ZNF618: variants seen among roughly 807,000 people sequenced by gnomAD.
ZNF618 encodes neural precursor cell expressed, developmentally down-regulated 10.
In ZNF618, 34 loss-of-function variants were observed where a neutral mutation model predicts 103.0. The observed-to-expected ratio is 0.33, with a 90% confidence interval of 0.25 to 0.44. The LOEUF (loss-of-function observed/expected upper bound fraction) is 0.44, where lower values mean the gene tolerates loss of function less well. Ranked by LOEUF, ZNF618 falls within the 20% of genes least tolerant of loss-of-function variation. The pLI, the probability that ZNF618 is intolerant of heterozygous loss-of-function variation, is 1.00. For missense variants in ZNF618, 1,059 were observed against 1,295.4 expected (o/e 0.82, Z 2.80); for synonymous variants, 551 against 542.2 (o/e 1.02, Z -0.23).
intron 1 of ZNF618, among the ~76,000 whole-genome samples, chr9:113,922,477 G>GTTTTTTTTTTTTTTTT (rs71367740): frequency 7.5e-6 from 1 of 132,978 alleles, no homozygotes. Flanking sequence ...GTTTTGGTTT[G>GTTTTTTTTTTTTTTTT]TTTTTTTTTT....
chr9:113,882,846 T>G (rs1828658334), intron 1 of ZNF618, among the ~76,000 whole-genome samples: 1 of 152,144 alleles, frequency 6.6e-6, no homozygotes, highest in South Asian at 2.1e-4. Context: ...AACCAGACCC[T>G]CCTCGAGATC....
chr9:113,918,679 C>G (rs1832351102), intron 1 of ZNF618, among the ~76,000 whole-genome samples: 1 of 151,956 alleles, frequency 6.6e-6, no homozygotes, highest in Admixed American at 6.6e-5. Context: ...TCAAATCATT[C>G]CAGATTTGGC....
Position 114,049,082 on chromosome 9 carries a change from C to A in ZNF618, c.1780C>A (p.Leu594Ile). 6.2e-7 allele frequency: 1 copy of A among 1,613,890 alleles called. No individual in the cohort carries two copies. Among genetic ancestry groups the A allele is most frequent in the Non-Finnish European group, 8.5e-7 (1 of 1,179,908 alleles). ...TGCGGACATTCGCGACAGCGGTGAC[C>A]TTGTGCACCACTGGGTGCAGAACGT... ...KGADIRDSGDLVHHWVQNVLS... is the reference protein window; with the variant it reads ...KGADIRDSGDIVHHWVQNVLS... Residue 594 changes from leucine (L) to isoleucine (I), a missense_variant, in exon 15 of 15, where the codon CTT becomes ATT. By Grantham distance (5) the Leu-to-Ile change is conservative. Transcript: ENST00000374126.
At chr9:113,927,667 G>T (rs1399865180) in intron 1 of ZNF618, among the ~76,000 whole-genome samples, 1 of 152,188 alleles carries the variant, frequency 6.6e-6, no homozygotes, top group African/African-American at 2.4e-5. Context: ...GGTTGGAGAA[G>T]GACATTTCCC....
At chr9:114,030,831 A>G (rs1483218731) in intron 11 of ZNF618, 4 of 152,230 alleles carry the variant, frequency 2.6e-5, no homozygotes, top group South Asian at 2.1e-4. Flanking sequence ...AAGGAAAGCT[A>G]TTCAAAATGT....
chr9:114,048,328 A>G (rs1016892729), intron 14 of ZNF618, among the ~76,000 whole-genome samples: 2 of 152,158 alleles, frequency 1.3e-5, no homozygotes, highest in Non-Finnish European at 1.5e-5. Context: ...GAAGATTCCC[A>G]TATTAGAGGA....
chr9:113,903,395 A>T (rs1371385579), intron 1 of ZNF618, among the ~76,000 whole-genome samples: 1 of 151,958 alleles, frequency 6.6e-6, no homozygotes, highest in East Asian at 1.9e-4. Context: ...AGCCATTCAT[A>T]CTGTTTTACA....
chr9:113,993,164 T>G (rs1198395755), intron 3 of ZNF618, among the ~76,000 whole-genome samples: 1 of 152,146 alleles, frequency 6.6e-6, no homozygotes, highest in African/African-American at 2.4e-5. Context: ...AGACCACACT[T>G]GAGGTTTCAG....
chr9:113,930,073 A>G (rs1833437145), intron 1 of ZNF618, among the ~76,000 whole-genome samples: 1 of 152,156 alleles, frequency 6.6e-6, no homozygotes, highest in East Asian at 1.9e-4. Flanking sequence ...CTAGGTTGTG[A>G]TAAACCAATG....
chr9:113,906,021 C>G (rs1039972681), intron 1 of ZNF618, among the ~76,000 whole-genome samples: 2 of 152,092 alleles, frequency 1.3e-5, no homozygotes, highest in African/African-American at 2.4e-5. Context: ...ATATTTCGAT[C>G]AGTTTCTTAG....
Position 114,032,714 on chromosome 9 carries a change from C to T in ZNF618, c.1154C>T (p.Ser385Leu), listed in dbSNP as rs552764833. 2.5e-5 allele frequency: 40 copies of T among 1,614,028 alleles called. No homozygotes were observed. The highest frequency in any genetic ancestry group is 3.1e-5 in the Non-Finnish European group (36 of 1,179,878). ...CACTTTGAAGAGACGAACAGCAGTT[C>T]GCAGAACTCCAGCGGTGAGTGTGCC... Reference protein sequence around the residue: ...QNHFEETNSSSQNSSEPYTCG... With the variant: ...QNHFEETNSSLQNSSEPYTCG... The change falls in exon 12 of 15, where the codon TCG (serine) becomes TTG (leucine). Residue 385 changes from serine to leucine, a missense_variant. Physicochemically the swap from Ser to Leu is moderately radical, Grantham distance 145 (BLOSUM62 -2). Transcript: ENST00000374126.
At chr9:113,946,649 G>A (rs551282285) in intron 1 of ZNF618, among the ~76,000 whole-genome samples, 21 of 152,302 alleles carry the variant, frequency 1.4e-4, no homozygotes, top group African/African-American at 4.3e-4. Flanking sequence ...CAGCATCACC[G>A]CTGAAGAGTG....
rs563250684 is a variant in ZNF618 at position 114,036,473 on chromosome 9, G to A, written c.1246+96G>A. The A allele has an allele frequency of 1.6e-4, 209 of 1,282,560 alleles. 2 individuals carry two copies. Among genetic ancestry groups the A allele is most frequent in the East Asian group, 7.6e-5 (3 of 39,486 alleles). 79.4% of individuals were successfully genotyped at this position (1,282,560 alleles called of 1,614,324 possible). On this transcript the variant is annotated intron_variant, in intron 13 of 14. Transcript: ENST00000374126. ...TGACCTGAGGCCCCTGGAGAAGGCC[G>A]CTCTTTCCTGGAAAATGGTCACAGG...
intron 1 of ZNF618, among the ~76,000 whole-genome samples, chr9:113,911,947 A>T (rs1348425309): frequency 6.6e-6 from 1 of 152,186 alleles, no homozygotes; most frequent in Non-Finnish European, 1.5e-5. Flanking sequence ...CACCCAGACC[A>T]CTTCTTTAGT....
chr9:113,994,165 G>A (rs1840343646), intron 3 of ZNF618, among the ~76,000 whole-genome samples: 1 of 152,168 alleles, frequency 6.6e-6, no homozygotes, highest in Non-Finnish European at 1.5e-5. Context: ...GGAGGAAGGA[G>A]CTCCAACCAG....
intron 1 of ZNF618, among the ~76,000 whole-genome samples, chr9:113,947,161 C>T (rs539282272): frequency 7.9e-5 from 12 of 152,220 alleles, no homozygotes; most frequent in Admixed American, 1.3e-4. Flanking sequence ...TTGGTGCTCT[C>T]GACAAAGAAT....
chr9:114,044,047 G>C (rs759386354), intron 13 of ZNF618, among the ~76,000 whole-genome samples: 2 of 151,936 alleles, frequency 1.3e-5, no homozygotes, highest in Non-Finnish European at 2.9e-5. Flanking sequence ...TGAAGCTTTT[G>C]TGTTTAAGTC....
intron 10 of ZNF618, among the ~76,000 whole-genome samples, chr9:114,017,949 T>G (rs1165880645): frequency 1.3e-5 from 2 of 152,146 alleles, no homozygotes; most frequent in African/African-American, 4.8e-5. Context: ...AGAACTCCAG[T>G]CCTGAGGTCG....
chr9:113,892,025 C>T (rs554415142), intron 1 of ZNF618, among the ~76,000 whole-genome samples: 12 of 152,166 alleles, frequency 7.9e-5, no homozygotes, highest in South Asian at 2.1e-4. Flanking sequence ...TGAAGTCAAA[C>T]GCAGAAATGG....
Sources: allele counts gnomAD v4.1 joint callset (sites outside exome capture counted in the v4.1 genomes callset), GRCh38; gene constraint gnomAD v4.1.1; transcripts MANE v1.5; gene names NCBI Gene and HGNC (gene_info 2026-07-23, HGNC 2026-07-21).